DIAPH2: variants seen among roughly 807,000 people sequenced by gnomAD.
DIAPH2 encodes protein diaphanous homolog 2.
Under a neutral mutation model 92.7 loss-of-function variants are expected in DIAPH2, and 35 were observed. The ratio of observed to expected loss-of-function variants is 0.38; its 90% CI spans 0.29 to 0.50. DIAPH2 has a LOEUF of 0.50. Ranked by LOEUF, DIAPH2 falls within the 20% of genes least tolerant of loss-of-function variation. The probability of loss-of-function intolerance (pLI) is 0.94; values close to 1 mark genes in which losing one functional copy is unlikely to be tolerated. For synonymous variants in DIAPH2, 301 were observed against 280.4 expected (o/e 1.07, Z -0.73); for missense variants, 701 against 819.5 (o/e 0.86, Z 1.77).
chrX:97,401,122 G>T (rs5921809), intron 25 of DIAPH2, among the ~76,000 whole-genome samples: 3,376 of 110,525 alleles, frequency 0.031, 39 homozygotes, highest in Middle Eastern at 0.046. Flanking sequence ...TTTGGGCAAT[G>T]ATAGCAAAGT....
chrX:97,225,302 A>T (rs2147520619), intron 22 of DIAPH2, among the ~76,000 whole-genome samples: 1 of 111,479 alleles, frequency 9.0e-6, no homozygotes, highest in Admixed American at 9.6e-5. Flanking sequence ...CTAGAAACTT[A>T]ATTCTAGAAA....
At chrX:97,209,568 A>G (rs1403300027) in intron 22 of DIAPH2, among the ~76,000 whole-genome samples, 1 of 111,549 alleles carries the variant, frequency 9.0e-6, no homozygotes, top group African/African-American at 3.2e-5. Flanking sequence ...TCTATTGATT[A>G]AGATCAAATT....
chrX:97,309,390 C>G (rs754056561), intron 23 of DIAPH2, among the ~76,000 whole-genome samples: 1 of 111,279 alleles, frequency 9.0e-6, no homozygotes, highest in Non-Finnish European at 1.9e-5. Context: ...CATGAGCCAC[C>G]GCGCCCGGCC....
intron 22 of DIAPH2, among the ~76,000 whole-genome samples, chrX:97,222,756 A>G (rs1168067495): frequency 5.4e-5 from 6 of 112,037 alleles, no homozygotes; most frequent in Non-Finnish European, 9.4e-5. Context: ...CAATGCTAGT[A>G]TAATGTGACC....
intron 4 of DIAPH2, among the ~76,000 whole-genome samples, chrX:96,821,266 C>T (rs2064776048): frequency 8.9e-6 from 1 of 112,529 alleles, no homozygotes; most frequent in South Asian, 3.6e-4. Flanking sequence ...CACTTAAACA[C>T]AGGCAATCTA....
chrX:97,076,459 G>C (rs1254155969), intron 19 of DIAPH2, among the ~76,000 whole-genome samples: 2 of 111,501 alleles, frequency 1.8e-5, no homozygotes, highest in African/African-American at 6.5e-5. Context: ...TTGAACCTGG[G>C]AGGTGGAGAA....
At chrX:97,592,521 C>T (rs1473503276) in intron 26 of DIAPH2, among the ~76,000 whole-genome samples, 1 of 111,928 alleles carries the variant, frequency 8.9e-6, no homozygotes, top group Non-Finnish European at 1.9e-5. Flanking sequence ...GAATGCTGAG[C>T]ATTAAGAAAA....
intron 22 of DIAPH2, among the ~76,000 whole-genome samples, chrX:97,188,883 G>A (rs1446994653): frequency 8.9e-6 from 1 of 112,296 alleles, no homozygotes; most frequent in African/African-American, 3.2e-5. Flanking sequence ...GGTGTAAAAT[G>A]TTTGTGGCTT....
At chrX:96,870,982 A>G (rs1375591943) in intron 4 of DIAPH2, among the ~76,000 whole-genome samples, 1 of 111,926 alleles carries the variant, frequency 8.9e-6, no homozygotes, top group Non-Finnish European at 1.9e-5. Flanking sequence ...AAACCATTTT[A>G]TTTAAATACC....
At chrX:97,103,958 C>T (rs1171706487) in intron 20 of DIAPH2, among the ~76,000 whole-genome samples, 1 of 111,435 alleles carries the variant, frequency 9.0e-6, no homozygotes, top group Admixed American at 9.6e-5. Context: ...CTTGCTGCCT[C>T]CCTCTCTTGT....
At chrX:96,946,058 T>C (rs1806849732) in intron 14 of DIAPH2, among the ~76,000 whole-genome samples, 1 of 111,746 alleles carries the variant, frequency 8.9e-6, no homozygotes, top group African/African-American at 3.2e-5. Flanking sequence ...TTTCTCTCTG[T>C]TTAGACTTAG....
chrX:97,598,087 C>CA (rs1292476140), intron 26 of DIAPH2, among the ~76,000 whole-genome samples: 2 of 111,315 alleles, frequency 1.8e-5, no homozygotes, highest in African/African-American at 6.5e-5. Flanking sequence ...GGCACCATGG[C>CA]AAAACCTCAG....
rs745769714 is a variant in DIAPH2 at position 97,070,525 on chromosome X, A to G, written c.2051-2416A>G. Among the ~76,000 whole-genome samples, 17 of 111,596 alleles carry G rather than the reference A, an allele frequency of 1.5e-4. No homozygotes were observed. In the East Asian group the frequency reaches 1.7e-3, roughly 11 times the overall value. On this transcript the variant is annotated intron_variant, in intron 17 of 26. Coordinates refer to ENST00000324765, the MANE Select transcript of DIAPH2 (RefSeq NM_006729.5). ...CTCATTGCTGTTCTTTGAATTCTCT[A>G]TTTATCTAAGCCTGTGGTCATGATC...
chrX:96,936,978 A>G (rs748801387), intron 10 of DIAPH2, among the ~76,000 whole-genome samples: 16 of 111,908 alleles, frequency 1.4e-4, no homozygotes, highest in Non-Finnish European at 2.1e-4. Flanking sequence ...TTTCTGTTGT[A>G]GAACTGATCG....
intron 4 of DIAPH2, among the ~76,000 whole-genome samples, chrX:96,802,286 T>C (rs1443541602): frequency 8.9e-6 from 1 of 112,126 alleles, no homozygotes; most frequent in Non-Finnish European, 1.9e-5. Flanking sequence ...GTGGGTCATA[T>C]GGTCCCTGAC....
rs183308235 is a variant in DIAPH2 at position 97,449,242 on chromosome X, C to T, written c.3241+19497C>T. ...ACAGATAATAAGTTTTCTCTGCTTT[C>T]CCCACAAAGTTATTACTACAAGCTT... is the stretch of plus-strand genomic sequence containing the variant. On this transcript the variant is annotated intron_variant, in intron 26 of 26. Transcript: ENST00000324765. Among the ~76,000 whole-genome samples the T allele has an allele frequency of 7.7e-4, 86 of 111,701 alleles. No individual in the cohort carries two copies. The East Asian group carries it at 0.016, about 21-fold the overall frequency.
chrX:97,252,353 T>A (rs2068195641), intron 23 of DIAPH2, among the ~76,000 whole-genome samples: 1 of 111,526 alleles, frequency 9.0e-6, no homozygotes, highest in Non-Finnish European at 1.9e-5. Flanking sequence ...GTTAATGACA[T>A]TAACACCCTG....
At chrX:97,061,836 C>T (rs1318621421) in intron 17 of DIAPH2, among the ~76,000 whole-genome samples, 2 of 83,489 alleles carry the variant, frequency 2.4e-5, no homozygotes, top group African/African-American at 4.4e-5. Flanking sequence ...AAAAAAAAAA[C>T]GCTCATTTTT....
At chrX:97,189,438 C>G (rs1012515556) in intron 22 of DIAPH2, among the ~76,000 whole-genome samples, 102 of 90,308 alleles carry the variant, frequency 1.1e-3, no homozygotes, top group Admixed American at 2.5e-3. Context: ...CGTCCCCCCC[C>G]CTCCCTCCCT....
Sources: allele counts gnomAD v4.1 joint callset (sites outside exome capture counted in the v4.1 genomes callset), GRCh38; gene constraint gnomAD v4.1.1; transcripts MANE v1.5; gene names NCBI Gene and HGNC (gene_info 2026-07-23, HGNC 2026-07-21).